CDH22: variants seen among roughly 807,000 people sequenced by gnomAD.
CDH22 encodes cadherin 22.
A neutral mutation model predicts 58.4 loss-of-function variants in CDH22; 30 were observed. That is an observed-to-expected ratio of 0.51 (90% confidence interval 0.38 to 0.70). The LOEUF (loss-of-function observed/expected upper bound fraction) is 0.70, where lower values mean the gene tolerates loss of function less well. CDH22 is among the 30% of genes least tolerant of loss of function. The probability of loss-of-function intolerance (pLI) is 0.00; values close to 1 mark genes in which losing one functional copy is unlikely to be tolerated. For synonymous variants in CDH22, 513 were observed against 558.2 expected (o/e 0.92, Z 1.14); for missense variants, 1,014 against 1,233.9 (o/e 0.82, Z 2.67).
intron 2 of CDH22, among the ~76,000 whole-genome samples, chr20:46,247,720 G>T (rs2086341086): frequency 6.6e-6 from 1 of 152,146 alleles, no homozygotes; most frequent in Non-Finnish European, 1.5e-5. Flanking sequence ...GCTGGGATTT[G>T]AGCCCACGCA....
At chr20:46,267,948 G>A (rs897621132) in intron 1 of CDH22, among the ~76,000 whole-genome samples, 10 of 152,262 alleles carry the variant, frequency 6.6e-5, no homozygotes, top group Non-Finnish European at 1.0e-4. Flanking sequence ...AAGTTGAACT[G>A]TGAAGCTCTC....
chr20:46,250,112 T>C (rs2086359604), intron 2 of CDH22, among the ~76,000 whole-genome samples: 1 of 152,212 alleles, frequency 6.6e-6, no homozygotes, highest in African/African-American at 2.4e-5. Context: ...ATTGAATGGA[T>C]GAATAAAAGT....
chr20:46,240,951 C>T lies in CDH22; in HGVS notation c.550+12G>A, dbSNP rs765126562. ...TTGATCCCATCCCCCACCCCCAGGG[C>T]CCACAGCCCACCTGTAGGTGAGAGC... On this transcript the variant is annotated intron_variant, in intron 3 of 11. Transcript: ENST00000537909. 9 of 1,605,268 alleles carry T rather than the reference C, an allele frequency of 5.6e-6. No individual in the cohort carries two copies. In the East Asian group the frequency reaches 2.0e-4, roughly 36 times the overall value.
intron 8 of CDH22, among the ~76,000 whole-genome samples, chr20:46,187,844 G>A (rs1419270469): frequency 6.6e-6 from 1 of 152,116 alleles, no homozygotes; most frequent in Admixed American, 6.6e-5. Context: ...CTGTGGTTTG[G>A]TACAATTTCT....
rs148435354 is a variant in CDH22 at position 46,300,527 on chromosome 20, C to T, written c.-400+7728G>A. On this transcript the variant is annotated intron_variant, in intron 1 of 11. Transcript: ENST00000537909. The surrounding 1 kb of genome is among the most constrained non-coding windows in gnomAD (Gnocchi z 4.4). ...GCGTGCACACACACATACACACACA[C>T]TCCACCTCCCCAGCTCCCCTCCCCT... Among the ~76,000 whole-genome samples the T allele has an allele frequency of 6.5e-3, 994 of 152,300 alleles. 3 individuals are homozygous for T. Among genetic ancestry groups the T allele is most frequent in the African/African-American group, 0.023 (937 of 41,562 alleles).
intron 8 of CDH22, among the ~76,000 whole-genome samples, chr20:46,192,010 G>A (rs551292852): frequency 1.3e-5 from 2 of 152,010 alleles, no homozygotes; most frequent in Non-Finnish European, 1.5e-5. Flanking sequence ...TCTAGGAGAG[G>A]CCTCCCCTAA....
intron 2 of CDH22, among the ~76,000 whole-genome samples, chr20:46,245,886 G>A (rs999025928): frequency 1.3e-5 from 2 of 151,114 alleles, no homozygotes; most frequent in African/African-American, 4.9e-5. Flanking sequence ...GAGGCCCAGA[G>A]AGAGTCTAAA....
intron 1 of CDH22, among the ~76,000 whole-genome samples, chr20:46,286,438 C>T (rs910513657): frequency 6.6e-6 from 1 of 152,168 alleles, no homozygotes; most frequent in African/African-American, 2.4e-5. Context: ...GCGTTATTGC[C>T]CACATAAATC....
chr20:46,283,467 G>A lies in CDH22; in HGVS notation c.-400+24788C>T, dbSNP rs1195043376. 3.9e-5 allele frequency among the ~76,000 whole-genome samples: 6 copies of A among 152,192 alleles called. No individual in the cohort carries two copies. In the South Asian group the frequency reaches 1.2e-3, roughly 32 times the overall value. On this transcript the variant is annotated intron_variant, in intron 1 of 11. Coordinates refer to ENST00000537909, the MANE Select transcript of CDH22 (RefSeq NM_021248.3). ...GATGAAGAGGGGGTGGAATCACTAT[G>A]CGATGCCTGCCCTCCATGGAAGCTG...
chr20:46,264,100 T>C (rs2086447120), intron 1 of CDH22, among the ~76,000 whole-genome samples: 1 of 152,232 alleles, frequency 6.6e-6, no homozygotes. Context: ...GATTTTATTT[T>C]TGTTTTAGCT....
intron 1 of CDH22, among the ~76,000 whole-genome samples, chr20:46,267,299 T>C (rs1190847305): frequency 6.6e-6 from 1 of 152,224 alleles, no homozygotes; most frequent in African/African-American, 2.4e-5. Context: ...CATGGTACAC[T>C]AACTGTGTGC....
At chr20:46,246,823 G>A (rs928946353) in intron 2 of CDH22, among the ~76,000 whole-genome samples, 3 of 152,192 alleles carry the variant, frequency 2.0e-5, no homozygotes, top group African/African-American at 7.2e-5. Flanking sequence ...GCGGCTCCCT[G>A]GGGTGGGGGG....
chr20:46,282,613 G>A (rs549152803), intron 1 of CDH22, among the ~76,000 whole-genome samples: 7 of 152,282 alleles, frequency 4.6e-5, no homozygotes, highest in Non-Finnish European at 8.8e-5. Context: ...AATGCAGTGC[G>A]AATTGGGTTC....
intron 8 of CDH22, among the ~76,000 whole-genome samples, chr20:46,187,567 A>G (rs2085835466): frequency 6.6e-6 from 1 of 151,464 alleles, no homozygotes; most frequent in Admixed American, 6.6e-5. Context: ...CACCATCACT[A>G]CCCTCACCAC....
intron 1 of CDH22, among the ~76,000 whole-genome samples, chr20:46,278,042 C>A (rs2086529129): frequency 6.6e-6 from 1 of 151,722 alleles, no homozygotes. Context: ...AGGAAGGATC[C>A]TCCGTGATGA....
chr20:46,208,743 G>A (rs1240320751), intron 7 of CDH22, among the ~76,000 whole-genome samples: 1 of 152,094 alleles, frequency 6.6e-6, no homozygotes, highest in Non-Finnish European at 1.5e-5. Flanking sequence ...ACAGGTGTGC[G>A]CTACCACACC....
At chr20:46,200,518 GCGATCCGCTCGCCTTGGC>G in intron 7 of CDH22, among the ~76,000 whole-genome samples, 1 of 150,662 alleles carries the variant, frequency 6.6e-6, no homozygotes, top group South Asian at 2.1e-4. Flanking sequence ...CTGAGCTCAA[GCGATCCGCTCGCCTTGGC>G]CTCCCAAAGT....
chr20:46,232,928 T>G (rs1374121667), intron 3 of CDH22, among the ~76,000 whole-genome samples: 1 of 151,826 alleles, frequency 6.6e-6, no homozygotes, highest in Non-Finnish European at 1.5e-5. Flanking sequence ...CAGAGACAAG[T>G]GACAGAGAAG....
chr20:46,277,668 C>A (rs1046758660), intron 1 of CDH22, among the ~76,000 whole-genome samples: 2 of 151,276 alleles, frequency 1.3e-5, no homozygotes, highest in Admixed American at 6.6e-5. Context: ...GGAGGGCCCG[C>A]CCCCCACTGG....
Sources: gnomAD v4.1 joint callset for allele counts (sites outside exome capture counted in the v4.1 genomes callset) on GRCh38, gnomAD v4.1.1 for gene constraint, Gnocchi (gnomAD v3.1) non-coding constraint, MANE v1.5 for transcripts, NCBI Gene and HGNC (gene_info 2026-07-23, HGNC 2026-07-21) for gene names.